Variants in GALNT13 observed in about 807,000 individuals in gnomAD.
GALNT13 encodes the protein UDP-GalNAc:polypeptide N-acetylgalactosaminyltransferase 13.
Under a neutral mutation model 64.2 loss-of-function variants are expected in GALNT13, and 28 were observed. The observed-to-expected ratio is 0.44, with a 90% confidence interval of 0.32 to 0.60. GALNT13 has a LOEUF of 0.60. GALNT13 is among the 20% of genes least tolerant of loss of function. GALNT13 has a pLI of 0.05. For synonymous variants in GALNT13, 214 were observed against 224.6 expected (o/e 0.95, Z 0.42); for missense variants, 577 against 669.8 (o/e 0.86, Z 1.53).
intron 4 of GALNT13, among the ~76,000 whole-genome samples, chr2:154,204,781 A>T (rs1295200892): frequency 6.6e-6 from 1 of 152,318 alleles, no homozygotes. Flanking sequence ...TCTCAGACAT[A>T]TCATGTTATG....
rs1693234285 is a variant in GALNT13 at position 154,298,814 on chromosome 2, TTATTTATATA to T, written c.976-2592_976-2583del. Among the ~76,000 whole-genome samples, 11 of 4,034 alleles carry T rather than the reference TTATTTATATA, an allele frequency of 2.7e-3. No individual in the cohort carries two copies. In the South Asian group the frequency reaches 0.077, roughly 28 times the overall value. 2.6% of individuals were successfully genotyped at this position (4,034 alleles called of 152,430 possible). On this transcript the variant is annotated intron_variant, in intron 8 of 12. Coordinates refer to ENST00000392825, the MANE Select transcript of GALNT13 (RefSeq NM_052917.4). ...ATATTATTTATATATAAATTATATATTATTTATATATACATTATATATAAATTATATATTA... is the reference window on the plus strand; with the variant it reads ...ATATTATTTATATATAAATTATATATTACATTATATATAAATTATATATTA...
At chr2:153,639,190 G>A in the GALNT13 span, among the ~76,000 whole-genome samples, 5 of 150,950 alleles carry the variant, frequency 3.3e-5, no homozygotes, top group South Asian at 8.4e-4. Context: ...AGAAGGAAAG[G>A]CATGAGGTAT....
the GALNT13 span, among the ~76,000 whole-genome samples, chr2:153,787,729 G>A: frequency 6.6e-6 from 1 of 151,998 alleles, no homozygotes; most frequent in Non-Finnish European, 1.5e-5. Context: ...AGACAAAATA[G>A]GTAGTATAAA....
the GALNT13 span, among the ~76,000 whole-genome samples, chr2:153,284,694 C>G: frequency 1.8e-4 from 28 of 152,248 alleles, no homozygotes; most frequent in Admixed American, 1.8e-3. Flanking sequence ...GGGGGAATCA[C>G]TCACTTTTAT....
chr2:154,374,966 A>G (rs926397773), intron 9 of GALNT13, among the ~76,000 whole-genome samples: 1 of 152,128 alleles, frequency 6.6e-6, no homozygotes, highest in Admixed American at 6.5e-5. Flanking sequence ...ATGTAAATAT[A>G]ATCTATAGTT....
chr2:153,967,759 C>T (rs1338387458), intron 3 of GALNT13, among the ~76,000 whole-genome samples: 2 of 152,000 alleles, frequency 1.3e-5, no homozygotes, highest in African/African-American at 2.4e-5. Flanking sequence ...TGTCTGTCTG[C>T]CCCGGATATT....
chr2:154,442,905 CTTG>C (rs1432191640), intron 12 of GALNT13, among the ~76,000 whole-genome samples: 3 of 152,030 alleles, frequency 2.0e-5, no homozygotes, highest in Non-Finnish European at 2.9e-5. Flanking sequence ...TTAGAAAATA[CTTG>C]TTGTGAATTC....
chr2:153,193,468 G>A, the GALNT13 span, among the ~76,000 whole-genome samples: 1 of 122,304 alleles, frequency 8.2e-6, no homozygotes. Flanking sequence ...AGGGGGGAGG[G>A]ATAGCATTGG....
At chr2:153,731,375 G>A in the GALNT13 span, among the ~76,000 whole-genome samples, 1 of 151,770 alleles carries the variant, frequency 6.6e-6, no homozygotes, top group Non-Finnish European at 1.5e-5. Context: ...TGAGGGATGA[G>A]AAATTATCTA....
At chr2:153,476,234 A>C in the GALNT13 span, among the ~76,000 whole-genome samples, 9 of 152,300 alleles carry the variant, frequency 5.9e-5, no homozygotes, top group African/African-American at 2.2e-4. Context: ...CATTAAAGGC[A>C]CTCAAAACTT....
chr2:153,695,695 A>G, the GALNT13 span, among the ~76,000 whole-genome samples: 1 of 151,264 alleles, frequency 6.6e-6, no homozygotes, highest in Non-Finnish European at 1.5e-5. Context: ...GATTTAATCT[A>G]TAGATTAAAT....
intron 9 of GALNT13, among the ~76,000 whole-genome samples, chr2:154,314,662 T>A (rs866626280): frequency 5.3e-5 from 8 of 151,606 alleles, no homozygotes; most frequent in African/African-American, 1.9e-4. Context: ...GAAGCAAGAG[T>A]GAGGGAGATG....
chr2:154,035,777 T>C (rs1698625778), intron 3 of GALNT13, among the ~76,000 whole-genome samples: 1 of 152,028 alleles, frequency 6.6e-6, no homozygotes, highest in South Asian at 2.1e-4. Context: ...TTTTCTAAGG[T>C]ATACTTTAGG....
At chr2:153,082,649 ACACACACACACAC>A in the GALNT13 span, among the ~76,000 whole-genome samples, 1 of 128,140 alleles carries the variant, frequency 7.8e-6, no homozygotes, top group Non-Finnish European at 1.6e-5. Flanking sequence ...ACACACACAC[ACACACACACACAC>A]ACATATATAT....
At chr2:153,306,721 G>T in the GALNT13 span, among the ~76,000 whole-genome samples, 1 of 152,110 alleles carries the variant, frequency 6.6e-6, no homozygotes, top group Non-Finnish European at 1.5e-5. Flanking sequence ...GGACCATTAA[G>T]CATAGGAGAT....
the GALNT13 span, among the ~76,000 whole-genome samples, chr2:153,734,354 A>G: frequency 1.3e-5 from 2 of 152,202 alleles, no homozygotes; most frequent in East Asian, 3.8e-4. Flanking sequence ...ACAAAGAGGC[A>G]GTCACCTGAA....
chr2:153,157,686 C>T, the GALNT13 span, among the ~76,000 whole-genome samples: 1 of 152,058 alleles, frequency 6.6e-6, no homozygotes, highest in African/African-American at 2.4e-5. Context: ...GTGTAATTTA[C>T]TTGGTTTCTT....
At chr2:153,251,060 T>G in the GALNT13 span, among the ~76,000 whole-genome samples, 100 of 152,190 alleles carry the variant, frequency 6.6e-4, no homozygotes, top group Admixed American at 2.6e-3. Flanking sequence ...AAATAATTTT[T>G]TTTATTACTC....
At chr2:153,809,804 A>G in the GALNT13 span, among the ~76,000 whole-genome samples, 23 of 152,264 alleles carry the variant, frequency 1.5e-4, no homozygotes, top group East Asian at 3.1e-3. Context: ...ATACTTTATT[A>G]AAGATCAACT....
Sources: gnomAD v4.1 joint callset for allele counts (sites outside exome capture counted in the v4.1 genomes callset) on GRCh38, gnomAD v4.1.1 for gene constraint, MANE v1.5 for transcripts, NCBI Gene and HGNC (gene_info 2026-07-23, HGNC 2026-07-21) for gene names.